Variants in GRAMD1B observed in about 807,000 individuals in gnomAD.
GRAMD1B encodes the protein protein Aster-B.
GRAMD1B carries 37 observed loss-of-function variants against 99.7 expected under a neutral mutation model. The ratio of observed to expected loss-of-function variants is 0.37; its 90% CI spans 0.29 to 0.49. The LOEUF (loss-of-function observed/expected upper bound fraction) is 0.49, where lower values mean the gene tolerates loss of function less well. Among genes scored for constraint, GRAMD1B ranks in the 20% least tolerant of loss-of-function variants. GRAMD1B has a pLI of 0.98. For missense variants in GRAMD1B, 888 were observed against 1,009.2 expected (o/e 0.88, Z 1.63); for synonymous variants, 427 against 387.6 (o/e 1.10, Z -1.19).
At chr11:123,435,596 A>AT in intron 1 of GRAMD1B, 1 of 616,156 alleles carries the variant, frequency 1.6e-6, no homozygotes, top group Non-Finnish European at 2.9e-6. Context: ...AAGACCAATC[A>AT]TGTTCATCTT....
intron 1 of GRAMD1B, among the ~76,000 whole-genome samples, chr11:123,415,095 C>CTTTTTTTTTTTTTTTT (rs1175202539): frequency 4.6e-4 from 35 of 75,838 alleles, no homozygotes; most frequent in Non-Finnish European, 5.8e-4. Flanking sequence ...CTTTTTCTTT[C>CTTTTTTTTTTTTTTTT]TTTTTTTTTT....
intron 1 of GRAMD1B, among the ~76,000 whole-genome samples, chr11:123,457,859 C>T (rs1257411331): frequency 6.6e-6 from 1 of 152,018 alleles, no homozygotes; most frequent in Non-Finnish European, 1.5e-5. Flanking sequence ...AGACTACAGG[C>T]ATGCACCACC....
Position 123,622,580 on chromosome 11 carries a change from G to T in GRAMD1B, c.2619G>T (p.Arg873Ser). ...ACACGTCGGAAAGTGAAGAAAAGAG[G>T]AATCGCTATCATTGACAAGGCAGGA... The part of the protein sequence containing the change: ...RDYTSESEEK[R>S]NRYH The change falls in exon 20 of 20, where the codon AGG (arginine) becomes AGT (serine). Residue 873 changes from arginine to serine, a missense_variant. Arg to Ser is a moderately radical substitution (Grantham distance 110). Transcript: ENST00000635736. 1 of 1,551,196 alleles carries T rather than the reference G, an allele frequency of 6.4e-7. No homozygotes were observed. Among genetic ancestry groups the T allele is most frequent in the Non-Finnish European group, 8.7e-7 (1 of 1,145,630 alleles).
At chr11:123,621,633 G>A (rs549829454) in intron 19 of GRAMD1B, among the ~76,000 whole-genome samples, 10 of 152,224 alleles carry the variant, frequency 6.6e-5, no homozygotes, top group Non-Finnish European at 1.3e-4. Context: ...CACTGGAATA[G>A]GCAAGAGCAC....
In GRAMD1B at chr11:123,430,556, C is replaced by G. The variant is rs1046999382; in HGVS notation, c.-237C>G. ...GGCTCCCGCCCCTCCCGGGTGGCCTCGCCGGCGGCTGACGGCCCGGAGGAC... is the reference window on the plus strand; with the variant it reads ...GGCTCCCGCCCCTCCCGGGTGGCCTGGCCGGCGGCTGACGGCCCGGAGGAC... On this transcript the variant is annotated 5_prime_UTR_variant, in exon 1 of 20. Coordinates refer to ENST00000635736, the MANE Select transcript of GRAMD1B (RefSeq NM_001387025.1). 2.2e-6 allele frequency: 1 copy of G among 450,606 alleles called. No homozygotes were observed. Among genetic ancestry groups the G allele is most frequent in the Non-Finnish European group, 3.9e-6 (1 of 256,510 alleles). 27.9% of individuals were successfully genotyped at this position (450,606 alleles called of 1,614,324 possible). A position where few individuals can be genotyped will look rare whatever the true frequency, so the allele number is the denominator to read the frequency against.
chr11:123,579,808 G>A (rs1022427828), intron 3 of GRAMD1B, among the ~76,000 whole-genome samples: 1 of 152,190 alleles, frequency 6.6e-6, no homozygotes, highest in Admixed American at 6.5e-5. Flanking sequence ...TCATTTGAGT[G>A]GGGCAGCCAG....
At chr11:123,467,215 G>C (rs1443359743) in intron 1 of GRAMD1B, among the ~76,000 whole-genome samples, 1 of 152,112 alleles carries the variant, frequency 6.6e-6, no homozygotes, top group Admixed American at 6.5e-5. Flanking sequence ...GGGTGTGGTG[G>C]CTTTCGCCTG....
At chr11:123,512,296 T>C (rs1227696297) in intron 2 of GRAMD1B, among the ~76,000 whole-genome samples, 1 of 152,056 alleles carries the variant, frequency 6.6e-6, no homozygotes, top group Non-Finnish European at 1.5e-5. Flanking sequence ...GCTCTTGAGG[T>C]TGTAGGTGGT....
intron 7 of GRAMD1B, among the ~76,000 whole-genome samples, chr11:123,597,376 G>A (rs1363666904): frequency 7.0e-6 from 1 of 143,812 alleles, no homozygotes; most frequent in East Asian, 2.2e-4. Context: ...ATAGGCACAA[G>A]CCACTGCACC....
intron 2 of GRAMD1B, among the ~76,000 whole-genome samples, chr11:123,539,327 TGTGG>T: frequency 6.6e-6 from 1 of 152,076 alleles, no homozygotes; most frequent in Non-Finnish European, 1.5e-5. Flanking sequence ...TTGGGTTAAA[TGTGG>T]TGGCTCACGC....
chr11:123,435,388 ATTAT>A, intron 1 of GRAMD1B: 2 of 697,844 alleles, frequency 2.9e-6, no homozygotes, highest in Non-Finnish European at 5.2e-6. Flanking sequence ...TATTTGTTTC[ATTAT>A]TTGTTTGTTT....
Position 123,625,365 on chromosome 11 carries a change from C to G in GRAMD1B, c.*2770C>G, listed in dbSNP as rs576064706. 1 of 152,186 alleles carries G rather than the reference C, an allele frequency of 6.6e-6. No individual in the cohort carries two copies. The highest frequency in any genetic ancestry group is 1.5e-5 in the Non-Finnish European group (1 of 68,048). The allele number at this position is 152,186 out of a possible 1,614,324, so 9.4% of individuals were successfully genotyped here. A position where few individuals can be genotyped will look rare whatever the true frequency, so the allele number is the denominator to read the frequency against. ...GTGGTAAAATGTTTGAGAGTTTGCA[C>G]TCAATTTTAAAGAATTTGCAGTTTC... On this transcript the variant is annotated 3_prime_UTR_variant, in exon 20 of 20. Coordinates refer to ENST00000635736, the MANE Select transcript of GRAMD1B (RefSeq NM_001387025.1).
At chr11:123,520,776 CAAAAAAAA>C (rs11219185) in intron 2 of GRAMD1B, among the ~76,000 whole-genome samples, 2 of 103,684 alleles carry the variant, frequency 1.9e-5, no homozygotes, top group South Asian at 6.6e-4. Context: ...GAGACCCTGT[CAAAAAAAA>C]AAAAAAAAAG....
chr11:123,393,750 G>T (rs188252302), intron 1 of GRAMD1B, among the ~76,000 whole-genome samples: 1 of 152,090 alleles, frequency 6.6e-6, no homozygotes, highest in African/African-American at 2.4e-5. Context: ...TCCCCTGTTG[G>T]TTACCCAGGT....
intron 9 of GRAMD1B, among the ~76,000 whole-genome samples, chr11:123,604,383 G>A (rs12578065): frequency 0.077 from 11,679 of 152,174 alleles, 645 homozygotes; most frequent in East Asian, 0.21. Flanking sequence ...CCCTAGGAAG[G>A]TTTCCTATCC....
rs189815138 is a variant in GRAMD1B, at chr11:123,500,768, G to C, written c.452+19875G>C. Among the ~76,000 whole-genome samples, 945 of 152,132 alleles carry C rather than the reference G, an allele frequency of 6.2e-3. 5 individuals are homozygous for C. The highest frequency in any genetic ancestry group is 0.016 in the Admixed American group (243 of 15,280). On this transcript the variant is annotated intron_variant, in intron 2 of 19. Coordinates refer to ENST00000635736, the MANE Select transcript of GRAMD1B (RefSeq NM_001387025.1). Reference sequence around the variant, plus strand: ...GCTTACTGCAACCTCTGTCTCCCAGGGTTCAAGTGATTCTCCCGCCTCAGC... The same window carrying C: ...GCTTACTGCAACCTCTGTCTCCCAGCGTTCAAGTGATTCTCCCGCCTCAGC...
chr11:123,517,108 C>T (rs749459885), intron 2 of GRAMD1B, among the ~76,000 whole-genome samples: 4 of 152,048 alleles, frequency 2.6e-5, no homozygotes, highest in East Asian at 1.9e-4. Context: ...TTAGTGGAGA[C>T]GGGGTTTCAC....
chr11:123,480,976 T>C (rs751099803), intron 2 of GRAMD1B, 83 bp downstream of exon 2: 1 of 397,956 alleles, frequency 2.5e-6, no homozygotes, highest in Non-Finnish European at 4.4e-6. Flanking sequence ...GTGCCTCTGC[T>C]CTGTGCAAAA....
At chr11:123,568,036 A>C (rs1947591543) in intron 2 of GRAMD1B, among the ~76,000 whole-genome samples, 1 of 152,226 alleles carries the variant, frequency 6.6e-6, no homozygotes. Flanking sequence ...CTAGGTATTA[A>C]ATTAGTCAGC....
Sources: allele counts gnomAD v4.1 joint callset (sites outside exome capture counted in the v4.1 genomes callset), GRCh38; gene constraint gnomAD v4.1.1; transcripts MANE v1.5; gene names NCBI Gene and HGNC (gene_info 2026-07-23, HGNC 2026-07-21).